SOX5: variants seen among roughly 807,000 people sequenced by gnomAD.
The protein encoded by SOX5 is transcription factor SOX-5.
A neutral mutation model predicts 92.0 loss-of-function variants in SOX5; 9 were observed. The ratio of observed to expected loss-of-function variants is 0.10; its 90% CI spans 0.06 to 0.17. SOX5 has a LOEUF of 0.17. Ranked by LOEUF, SOX5 falls within the 10% of genes least tolerant of loss-of-function variation. SOX5 has a pLI of 1.00. For synonymous variants in SOX5, 344 were observed against 336.3 expected (o/e 1.02, Z -0.25); for missense variants, 642 against 944.5 (o/e 0.68, Z 4.20).
intron 6 of SOX5, among the ~76,000 whole-genome samples, chr12:23,675,807 C>T (rs2085575998): frequency 6.6e-6 from 1 of 151,994 alleles, no homozygotes; most frequent in Non-Finnish European, 1.5e-5. Context: ...ATGTCCAAAC[C>T]ATATAAGGAA....
chr12:23,677,738 T>G (rs1470842946), intron 6 of SOX5, among the ~76,000 whole-genome samples: 2 of 152,212 alleles, frequency 1.3e-5, no homozygotes, highest in Admixed American at 1.3e-4. Context: ...AGCTAGCAGG[T>G]GCTAGATTGG....
intron 4 of SOX5, among the ~76,000 whole-genome samples, chr12:23,959,150 A>T (rs1257364408): frequency 6.6e-6 from 1 of 151,918 alleles, no homozygotes; most frequent in Non-Finnish European, 1.5e-5. Flanking sequence ...TATCATATTT[A>T]AAGCACTAAA....
chr12:24,536,317 A>C (rs1469354719), intron 1 of SOX5, among the ~76,000 whole-genome samples: 1 of 152,232 alleles, frequency 6.6e-6, no homozygotes, highest in African/African-American at 2.4e-5. Flanking sequence ...GCAGTGTGCT[A>C]GCACAAGTTT....
At chr12:23,921,503 G>A (rs570083847) in intron 1 of SOX5, among the ~76,000 whole-genome samples, 51 of 152,204 alleles carry the variant, frequency 3.4e-4, no homozygotes, top group African/African-American at 1.2e-3. Flanking sequence ...AAGCTGAGGT[G>A]TTTCCCTTAG....
intron 1 of SOX5, among the ~76,000 whole-genome samples, chr12:24,420,752 T>G (rs1965784166): frequency 6.6e-6 from 1 of 152,140 alleles, no homozygotes; most frequent in South Asian, 2.1e-4. Flanking sequence ...AATAAATTAA[T>G]GAATCTAAGT....
chr12:23,659,800 C>T (rs976407695), intron 7 of SOX5, among the ~76,000 whole-genome samples: 5 of 152,016 alleles, frequency 3.3e-5, no homozygotes, highest in African/African-American at 1.2e-4. Context: ...AATGCCATCC[C>T]TACTAAAAAT....
chr12:23,772,504 TAAAAGA>T (rs1170545075), intron 3 of SOX5, among the ~76,000 whole-genome samples: 2 of 152,160 alleles, frequency 1.3e-5, no homozygotes, highest in Admixed American at 1.3e-4. Context: ...GTAATTAAAA[TAAAAGA>T]AAAAGTTCTC....
chr12:24,042,503 G>C (rs1182206132), intron 4 of SOX5, among the ~76,000 whole-genome samples: 1 of 152,070 alleles, frequency 6.6e-6, no homozygotes, highest in Admixed American at 6.5e-5. Flanking sequence ...ATTCTGAAGT[G>C]TGACTGACTG....
intron 1 of SOX5, among the ~76,000 whole-genome samples, chr12:24,421,321 A>G (rs1433295346): frequency 6.6e-6 from 1 of 152,144 alleles, no homozygotes; most frequent in African/African-American, 2.4e-5. Flanking sequence ...GTTCATTATA[A>G]TATGCAATAT....
At chr12:24,402,128 T>G (rs749981757) in intron 1 of SOX5, among the ~76,000 whole-genome samples, 5 of 152,112 alleles carry the variant, frequency 3.3e-5, no homozygotes, top group Non-Finnish European at 7.4e-5. Context: ...TAATTTAGCT[T>G]GAAAAAATTA....
At chr12:23,540,185 C>T (rs1941644889) in intron 13 of SOX5, among the ~76,000 whole-genome samples, 1 of 151,302 alleles carries the variant, frequency 6.6e-6, no homozygotes, top group Non-Finnish European at 1.5e-5. Flanking sequence ...TTTATTCATT[C>T]CCTGCTGCTT....
intron 6 of SOX5, among the ~76,000 whole-genome samples, chr12:23,708,250 T>C (rs1323555292): frequency 6.6e-6 from 1 of 151,116 alleles, no homozygotes; most frequent in African/African-American, 2.4e-5. Flanking sequence ...TTGGCCTTAC[T>C]GAATGTGACT....
At chr12:23,951,044 T>A (rs906151978), upstream of SOX5, 5 of 594,774 alleles carry the variant, frequency 8.4e-6, no homozygotes, top group Non-Finnish European at 9.0e-6. Flanking sequence ...GGAGGGTTCA[T>A]TCTGCACAAA....
intron 1 of SOX5, among the ~76,000 whole-genome samples, chr12:24,417,258 G>A (rs987752036): frequency 2.2e-4 from 34 of 152,186 alleles, no homozygotes; most frequent in Admixed American, 6.5e-5. Context: ...GTTACCACAA[G>A]AGTCCATTTC....
intron 1 of SOX5, among the ~76,000 whole-genome samples, chr12:24,418,251 A>G (rs1317946613): frequency 1.3e-5 from 2 of 152,174 alleles, no homozygotes; most frequent in African/African-American, 4.8e-5. Flanking sequence ...CTTCCTCAGT[A>G]TGTAAGAGCT....
At chr12:24,036,401 A>G (rs1232200301) in intron 4 of SOX5, among the ~76,000 whole-genome samples, 2 of 152,166 alleles carry the variant, frequency 1.3e-5, no homozygotes, top group African/African-American at 4.8e-5. Flanking sequence ...ATGTTTCTAC[A>G]GTACCTTACA....
intron 1 of SOX5, among the ~76,000 whole-genome samples, chr12:24,516,079 G>C (rs571603333): frequency 2.5e-4 from 36 of 143,778 alleles, no homozygotes; most frequent in African/African-American, 8.8e-4. Context: ...GTCTCACTCT[G>C]TCAGCCAGGT....
intron 2 of SOX5, among the ~76,000 whole-genome samples, chr12:24,290,497 G>C (rs565191408): frequency 2.0e-5 from 3 of 152,234 alleles, no homozygotes; most frequent in Non-Finnish European, 2.9e-5. Context: ...CATTCCACTA[G>C]GGGAAGATAA....
chr12:24,312,152 T>G (rs533862066), intron 2 of SOX5, among the ~76,000 whole-genome samples: 1 of 152,288 alleles, frequency 6.6e-6, no homozygotes, highest in South Asian at 2.1e-4. Flanking sequence ...GACAAATATG[T>G]GGGAAATGGA....
Sources: allele counts gnomAD v4.1 joint callset (sites outside exome capture counted in the v4.1 genomes callset), GRCh38; gene constraint gnomAD v4.1.1; transcripts MANE v1.5; gene names NCBI Gene and HGNC (gene_info 2026-07-23, HGNC 2026-07-21).